The following FARS2 variants were observed in gnomAD, a reference collection of about 807,000 sequenced individuals.
FARS2 encodes the protein phenylalanyl-tRNA synthetase 2, mitochondrial.
FARS2 carries 40 observed loss-of-function variants against 46.4 expected under a neutral mutation model. That is an observed-to-expected ratio of 0.86 (90% CI 0.67 to 1.12). FARS2 has a LOEUF of 1.12. Ranked by LOEUF, FARS2 falls within the 50% of genes most tolerant of loss-of-function variation. The probability of loss-of-function intolerance (pLI) is 0.00; values close to 1 mark genes in which losing one functional copy is unlikely to be tolerated. For missense variants in FARS2, 513 were observed against 567.9 expected, an observed-to-expected ratio of 0.90 and a Z score of 0.98; for synonymous variants, 234 against 214.9, an observed-to-expected ratio of 1.09 and a Z score of -0.78.
At chr6:5,323,051 T>C (rs1443009571) in intron 1 of FARS2, among the ~76,000 whole-genome samples, 1 of 152,210 alleles carries the variant, frequency 6.6e-6, no homozygotes, top group African/African-American at 2.4e-5. Context: ...TTTATCAATT[T>C]AATAACAATT....
chr6:5,299,838 G>A (rs1371134064), intron 1 of FARS2, among the ~76,000 whole-genome samples: 2 of 151,998 alleles, frequency 1.3e-5, no homozygotes, highest in Admixed American at 6.6e-5. Context: ...TCCAGCTAAA[G>A]GACATGAACT....
At position 5,470,034 on chromosome 6, in the gene FARS2, C is replaced by T. The variant is rs140910771; in HGVS notation, c.904+38862C>T. On this transcript the variant is annotated intron_variant, in intron 4 of 6. Transcript: ENST00000274680. ...GCAGAGCACTTAGAATAGTTTCTGA[C>T]ACAATAAAACTTCAATGAGTAGTAG... 7.2e-4 allele frequency among the ~76,000 whole-genome samples: 110 copies of T among 152,270 alleles called. 1 individual carries two copies. Among genetic ancestry groups the T allele is most frequent in the African/African-American group, 2.6e-3 (108 of 41,572 alleles).
intron 5 of FARS2, among the ~76,000 whole-genome samples, chr6:5,596,500 A>G (rs1774205404): frequency 6.6e-6 from 1 of 152,238 alleles, no homozygotes; most frequent in African/African-American, 2.4e-5. Context: ...AGTGCTGTGT[A>G]TGGAACCATT....
intron 1 of FARS2, among the ~76,000 whole-genome samples, chr6:5,278,779 A>G (rs1183866129): frequency 6.6e-6 from 1 of 152,158 alleles, no homozygotes; most frequent in African/African-American, 2.4e-5. Flanking sequence ...CCCGTGTGAT[A>G]CACTTCAGCT....
chr6:5,760,666 C>T (rs1212916283), intron 6 of FARS2, among the ~76,000 whole-genome samples: 1 of 152,218 alleles, frequency 6.6e-6, no homozygotes, highest in Non-Finnish European at 1.5e-5. Context: ...CTGTACTCTA[C>T]CGTCTGTACA....
chr6:5,318,166 C>T (rs1482927413), intron 1 of FARS2, among the ~76,000 whole-genome samples: 1 of 152,058 alleles, frequency 6.6e-6, no homozygotes, highest in Non-Finnish European at 1.5e-5. Flanking sequence ...AGAGACCAGC[C>T]TGGCCAATAT....
intron 5 of FARS2, among the ~76,000 whole-genome samples, chr6:5,584,345 A>G (rs1364645559): frequency 1.3e-5 from 2 of 152,168 alleles, no homozygotes; most frequent in African/African-American, 4.8e-5. Flanking sequence ...AATTTTTGCA[A>G]CATCATCATT....
At chr6:5,666,140 T>C (rs1778107176) in intron 6 of FARS2, among the ~76,000 whole-genome samples, 3 of 152,218 alleles carry the variant, frequency 2.0e-5, no homozygotes, top group African/African-American at 7.2e-5. Context: ...AAACCCAAAA[T>C]ACTGGGTACC....
chr6:5,296,332 G>C (rs1004554000), intron 1 of FARS2, among the ~76,000 whole-genome samples: 1 of 151,754 alleles, frequency 6.6e-6, no homozygotes, highest in Non-Finnish European at 1.5e-5. Context: ...TAGTAGAGAT[G>C]GGGTTTCACT....
At chr6:5,726,417 G>A (rs1760260276) in intron 6 of FARS2, among the ~76,000 whole-genome samples, 1 of 152,152 alleles carries the variant, frequency 6.6e-6, no homozygotes, top group Non-Finnish European at 1.5e-5. Flanking sequence ...AGGCAATGAT[G>A]ATAAATGAAA....
intron 4 of FARS2, among the ~76,000 whole-genome samples, chr6:5,526,864 G>A (rs757257220): frequency 4.6e-5 from 7 of 152,148 alleles, no homozygotes; most frequent in African/African-American, 1.2e-4. Context: ...TGATCCGCCC[G>A]CCTCAGCCTC....
chr6:5,252,504 CCTTA>C, the FARS2 span, among the ~76,000 whole-genome samples: 2 of 152,196 alleles, frequency 1.3e-5, no homozygotes, highest in African/African-American at 2.4e-5. Context: ...TTTTCACATG[CCTTA>C]CTGTCTTTGC....
chr6:5,738,774 GA>G (rs5873993), intron 6 of FARS2, among the ~76,000 whole-genome samples: 10 of 148,660 alleles, frequency 6.7e-5, no homozygotes, highest in Non-Finnish European at 1.3e-4. Context: ...CATACATTTA[GA>G]AAAAAAAAAT....
At chr6:5,321,862 C>T (rs1769999133) in intron 1 of FARS2, among the ~76,000 whole-genome samples, 1 of 152,198 alleles carries the variant, frequency 6.6e-6, no homozygotes, top group Non-Finnish European at 1.5e-5. Context: ...GATACTTGAT[C>T]ACCTGCTTTC....
At chr6:5,279,589 T>TTA (rs1463861018) in intron 1 of FARS2, among the ~76,000 whole-genome samples, 7 of 148,198 alleles carry the variant, frequency 4.7e-5, no homozygotes, top group South Asian at 2.1e-4. Context: ...TATATATATT[T>TTA]TATATATATA....
At chr6:5,770,295 T>C (rs1203505180) in intron 6 of FARS2, among the ~76,000 whole-genome samples, 1 of 152,204 alleles carries the variant, frequency 6.6e-6, no homozygotes, top group African/African-American at 2.4e-5. Flanking sequence ...CTGGCTAGGC[T>C]AAGGGCTGGT....
chr6:5,474,580 G>A (rs1353489328), intron 4 of FARS2, among the ~76,000 whole-genome samples: 9 of 151,954 alleles, frequency 5.9e-5, no homozygotes, highest in Non-Finnish European at 1.0e-4. Flanking sequence ...ACTGAATACC[G>A]TAGGCAATTG....
intron 4 of FARS2, among the ~76,000 whole-genome samples, chr6:5,460,051 A>G (rs1014588549): frequency 1.3e-5 from 2 of 152,192 alleles, no homozygotes; most frequent in African/African-American, 4.8e-5. Flanking sequence ...TTTGGGATAG[A>G]TCGGTGCTCT....
At chr6:5,709,487 T>C (rs1427770570) in intron 6 of FARS2, among the ~76,000 whole-genome samples, 2 of 152,188 alleles carry the variant, frequency 1.3e-5, no homozygotes, top group African/African-American at 4.8e-5. Context: ...AAGAAAATTT[T>C]CTTTGCACTC....
Sources: gnomAD v4.1 joint callset for allele counts (sites outside exome capture counted in the v4.1 genomes callset) on GRCh38, gnomAD v4.1.1 for gene constraint, MANE v1.5 for transcripts, NCBI Gene and HGNC (gene_info 2026-07-23, HGNC 2026-07-21) for gene names.